The following DPP8 variants were observed in gnomAD, a reference collection of about 807,000 sequenced individuals.
The protein encoded by DPP8 is dipeptidyl peptidase 8.
A neutral mutation model predicts 107.5 loss-of-function variants in DPP8; 31 were observed. The observed-to-expected ratio is 0.29, with a 90% confidence interval of 0.22 to 0.39. DPP8 has a LOEUF of 0.39. Ranked by LOEUF, DPP8 falls within the 10% of genes least tolerant of loss-of-function variation. DPP8 has a pLI of 1.00. For missense variants in DPP8, 842 were observed against 1,076.1 expected (o/e 0.78, Z 3.04); for synonymous variants, 381 against 356.6 (o/e 1.07, Z -0.77).
intron 4 of DPP8, among the ~76,000 whole-genome samples, chr15:65,499,303 A>G (rs2068951949): frequency 6.6e-6 from 1 of 151,044 alleles, no homozygotes; most frequent in Admixed American, 6.6e-5. Context: ...ATCTCAGCTC[A>G]CTGCAACCTC....
intron 11 of DPP8, among the ~76,000 whole-genome samples, chr15:65,477,432 TA>T (rs752095649): frequency 9.9e-5 from 15 of 151,728 alleles, no homozygotes; most frequent in Non-Finnish European, 1.8e-4. Flanking sequence ...AAAAAATGTA[TA>T]TATATATAAA....
Position 65,445,361 on chromosome 15 carries a change from G to C in DPP8, c.*1523C>G, listed in dbSNP as rs922235909. 1 of 152,238 alleles carries C rather than the reference G, an allele frequency of 6.6e-6. No individual in the cohort carries two copies. Among genetic ancestry groups the C allele is most frequent in the Non-Finnish European group, 1.5e-5 (1 of 68,040 alleles). The allele number at this position is 152,238 out of a possible 1,614,324, so 9.4% of individuals were successfully genotyped here. A position where few individuals can be genotyped will look rare whatever the true frequency, so the allele number is the denominator to read the frequency against. ...TAAACACTGAAGTGTGTGATAAAAA[G>C]CATCAAACTCATAGATGCCTTCCCT... On this transcript the variant is annotated 3_prime_UTR_variant, in exon 20 of 20. Coordinates refer to ENST00000300141, the MANE Select transcript of DPP8 (RefSeq NM_130434.5).
intron 14 of DPP8, among the ~76,000 whole-genome samples, chr15:65,465,786 G>C (rs1175319301): frequency 6.7e-6 from 1 of 150,128 alleles, no homozygotes; most frequent in African/African-American, 2.5e-5. Flanking sequence ...TCGATCTCCT[G>C]ACCTTGTCAT....
chr15:65,480,339 A>C lies in DPP8; in HGVS notation c.1179T>G (p.Pro393=), dbSNP rs768595131. Residue 393 remains proline (P), a synonymous_variant, in exon 10 of 20, where the codon CCT becomes CCG. Coordinates refer to ENST00000300141, the MANE Select transcript of DPP8 (RefSeq NM_130434.5). The stretch of plus-strand genomic sequence containing the variant: ...CATCTTCTACTGGGATAAATAATTC[A>C]GGTGAGATCAACACTATCTGTAGGC... ...QTRLQIVLIS[P]ELFIPVEDDV... 2 of 1,612,834 alleles carry C rather than the reference A, an allele frequency of 1.2e-6. No individual in the cohort carries two copies. Among genetic ancestry groups the C allele is most frequent in the Admixed American group, 3.3e-5 (2 of 59,890 alleles).
chr15:65,453,733 GAAC>G (rs1313276567), intron 17 of DPP8, among the ~76,000 whole-genome samples: 2 of 150,594 alleles, frequency 1.3e-5, no homozygotes, highest in East Asian at 4.0e-4. Flanking sequence ...AAACAAAACA[GAAC>G]AACAACAAAA....
At chr15:65,472,156 T>A (rs1179254252) in intron 12 of DPP8, among the ~76,000 whole-genome samples, 1 of 152,212 alleles carries the variant, frequency 6.6e-6, no homozygotes, top group East Asian at 1.9e-4. Context: ...CTTTTCCCTA[T>A]CAATCTAAGC....
At chr15:65,467,043 C>A in intron 13 of DPP8, 28 bp downstream of exon 13, 1 of 1,612,464 alleles carries the variant, frequency 6.2e-7, no homozygotes, top group East Asian at 2.2e-5. Flanking sequence ...TAATATGACA[C>A]AAAACCCTTT....
At chr15:65,491,237 T>TATTGA (rs944239080) in intron 5 of DPP8, among the ~76,000 whole-genome samples, 3 of 151,876 alleles carry the variant, frequency 2.0e-5, no homozygotes, top group Non-Finnish European at 2.9e-5. Context: ...TAAATCAGAT[T>TATTGA]ATTGAATAGC....
intron 5 of DPP8, among the ~76,000 whole-genome samples, chr15:65,493,826 T>C (rs1223148292): frequency 3.3e-5 from 5 of 152,142 alleles, no homozygotes; most frequent in African/African-American, 7.2e-5. Context: ...AATAAACACA[T>C]GTACATACTG....
intron 5 of DPP8, among the ~76,000 whole-genome samples, chr15:65,491,231 T>C (rs554691378): frequency 2.7e-5 from 4 of 148,812 alleles, no homozygotes; most frequent in South Asian, 4.3e-4. Context: ...ATAAAATAAA[T>C]CAGATTATTG....
rs1411293452 is a variant in DPP8 at position 65,446,022 on chromosome 15, C to A, written c.*862G>T. On this transcript the variant is annotated 3_prime_UTR_variant, in exon 20 of 20. Coordinates refer to ENST00000300141, the MANE Select transcript of DPP8 (RefSeq NM_130434.5). ...AGGAAATACCAAATGGAAACTGGCACCACTAAATTTTCTGAAGAATTCTAG... is the reference window on the plus strand; with the variant it reads ...AGGAAATACCAAATGGAAACTGGCAACACTAAATTTTCTGAAGAATTCTAG... 3 of 151,864 alleles carry A rather than the reference C, an allele frequency of 2.0e-5. No homozygotes were observed. The highest frequency in any genetic ancestry group is 2.9e-5 in the Non-Finnish European group (2 of 68,000). The allele number at this position is 151,864 out of a possible 1,614,324, so 9.4% of individuals were successfully genotyped here. A position where few individuals can be genotyped will look rare whatever the true frequency, so the allele number is the denominator to read the frequency against.
intron 15 of DPP8, chr15:65,459,556 T>G (rs1276933180): frequency 6.6e-6 from 1 of 152,144 alleles, no homozygotes; most frequent in Non-Finnish European, 1.5e-5. Context: ...TCACCTATAG[T>G]TTTTCAAAAA....
intron 12 of DPP8, among the ~76,000 whole-genome samples, chr15:65,472,869 G>A (rs149799915): frequency 3.9e-4 from 59 of 152,012 alleles, no homozygotes; most frequent in African/African-American, 1.3e-3. Context: ...GCGGAATCCC[G>A]TCTACAAAAA....
chr15:65,495,919 CTT>C (rs993842305), intron 5 of DPP8, among the ~76,000 whole-genome samples: 12 of 152,128 alleles, frequency 7.9e-5, no homozygotes, highest in African/African-American at 2.4e-4. Flanking sequence ...AAAAAACAAA[CTT>C]GAGAGAATAT....
intron 16 of DPP8, chr15:65,455,522 A>G: frequency 2.9e-6 from 1 of 343,536 alleles, no homozygotes; most frequent in South Asian, 4.4e-5. Flanking sequence ...TACTACCTCT[A>G]GGAACTGAAC....
At chr15:65,484,113 G>C (rs1051449016) in intron 8 of DPP8, among the ~76,000 whole-genome samples, 2 of 152,124 alleles carry the variant, frequency 1.3e-5, no homozygotes, top group Non-Finnish European at 2.9e-5. Context: ...CAGATCATGA[G>C]GTCAGGAGCT....
intron 3 of DPP8, among the ~76,000 whole-genome samples, chr15:65,501,338 C>T (rs1009813816): frequency 6.6e-6 from 1 of 152,130 alleles, no homozygotes; most frequent in Non-Finnish European, 1.5e-5. Flanking sequence ...CATTAGAGAA[C>T]AAGAATAAAG....
chr15:65,494,185 C>T (rs1368356633), intron 5 of DPP8, among the ~76,000 whole-genome samples: 1 of 108,720 alleles, frequency 9.2e-6, no homozygotes, highest in Non-Finnish European at 1.7e-5. Context: ...CTCTCTCTTT[C>T]ATCTGCCACC....
chr15:65,475,351 A>G, intron 11 of DPP8: 1 of 1,290,072 alleles, frequency 7.8e-7, no homozygotes, highest in Non-Finnish European at 1.1e-6. Context: ...TTATCTTCTG[A>G]GTGTGGGCTT....
Sources: allele counts gnomAD v4.1 joint callset (sites outside exome capture counted in the v4.1 genomes callset), GRCh38; gene constraint gnomAD v4.1.1; transcripts MANE v1.5; gene names NCBI Gene and HGNC (gene_info 2026-07-23, HGNC 2026-07-21).